MSRA: variants seen among roughly 807,000 people sequenced by gnomAD.
The protein encoded by MSRA is mitochondrial peptide methionine sulfoxide reductase.
A neutral mutation model predicts 31.3 loss-of-function variants in MSRA; 54 were observed. The ratio of observed to expected loss-of-function variants is 1.73; its 90% CI spans 1.39 to 2.17. MSRA has a LOEUF of 2.17. MSRA is among the 30% of genes most tolerant of loss of function. The pLI is 0.00. For synonymous variants in MSRA, 169 were observed against 116.5 expected (o/e 1.45, Z -2.90); for missense variants, 507 against 300.9 (o/e 1.69, Z -5.07).
At chr8:10,101,707 G>A (rs1387344374) in intron 1 of MSRA, among the ~76,000 whole-genome samples, 1 of 152,180 alleles carries the variant, frequency 6.6e-6, no homozygotes, top group African/African-American at 2.4e-5. Flanking sequence ...GTTTTAGCAT[G>A]TGTCAGAATT....
rs375402026 is a variant in MSRA, at chr8:10,269,069, C to T, written c.331+23846C>T. On this transcript the variant is annotated intron_variant, in intron 3 of 5. Coordinates refer to ENST00000317173, the MANE Select transcript of MSRA (RefSeq NM_012331.5). The stretch of plus-strand genomic sequence containing the variant: ...TTTGTCTCCAGGTTTGAATGCTTCT[C>T]CAACGCCTTTATTGGCAGTTGAAAA... Among the ~76,000 whole-genome samples the T allele has an allele frequency of 2.6e-4, 39 of 152,300 alleles. No individual in the cohort carries two copies. The East Asian group carries it at 6.6e-3, about 26-fold the overall frequency.
At position 10,239,775 on chromosome 8, in the gene MSRA, A is replaced by G. The variant is rs377443281; in HGVS notation, c.212-5329A>G. Among the ~76,000 whole-genome samples the G allele has an allele frequency of 7.2e-5, 11 of 152,220 alleles. No homozygotes were observed. The East Asian group carries it at 1.5e-3, about 21-fold the overall frequency. ...CAAAGTCTCCCAATGGGTCCCTGAG[A>G]TAGTAAATGAAGTCAATCCTGTTTC... is the stretch of plus-strand genomic sequence containing the variant. On this transcript the variant is annotated intron_variant, in intron 2 of 5. Coordinates refer to ENST00000317173, the MANE Select transcript of MSRA (RefSeq NM_012331.5).
intron 5 of MSRA, among the ~76,000 whole-genome samples, chr8:10,330,807 A>G (rs1440869107): frequency 1.3e-5 from 2 of 152,204 alleles, no homozygotes; most frequent in African/African-American, 4.8e-5. Context: ...ACCTGAACTG[A>G]AGTGATACAG....
chr8:10,352,713 G>A (rs1202868351), intron 5 of MSRA, among the ~76,000 whole-genome samples: 4 of 152,136 alleles, frequency 2.6e-5, no homozygotes, highest in Non-Finnish European at 5.9e-5. Flanking sequence ...AAAGTGATGA[G>A]TTTGTGTTCA....
intron 1 of MSRA, among the ~76,000 whole-genome samples, chr8:10,159,443 G>C (rs911081487): frequency 1.8e-4 from 28 of 152,358 alleles, no homozygotes; most frequent in South Asian, 1.2e-3. Context: ...GCTGAGGTTG[G>C]AGAGTGAGAG....
chr8:10,241,118 C>G (rs1442642036), intron 2 of MSRA, among the ~76,000 whole-genome samples: 4 of 152,146 alleles, frequency 2.6e-5, no homozygotes, highest in Non-Finnish European at 4.4e-5. Context: ...AAATTTCAGC[C>G]ACATCATCCC....
chr8:10,131,348 C>T (rs1801880206), intron 1 of MSRA, among the ~76,000 whole-genome samples: 1 of 152,120 alleles, frequency 6.6e-6, no homozygotes. Context: ...GCTACATAGA[C>T]AAAAGAGTGG....
chr8:10,179,680 G>T (rs1183806465), intron 1 of MSRA, among the ~76,000 whole-genome samples: 8 of 152,212 alleles, frequency 5.3e-5, no homozygotes, highest in Admixed American at 5.2e-4. Context: ...GAGTTAAACA[G>T]ACCTGGGTTT....
intron 1 of MSRA, among the ~76,000 whole-genome samples, chr8:10,165,776 C>A (rs1805072560): frequency 6.6e-6 from 1 of 152,116 alleles, no homozygotes; most frequent in Non-Finnish European, 1.5e-5. Flanking sequence ...CAGAGTCCTC[C>A]TCAGGATTGC....
At chr8:10,320,103 T>C (rs1801964034) in intron 5 of MSRA, 114 bp downstream of exon 5, 1 of 641,074 alleles carries the variant, frequency 1.6e-6, no homozygotes, top group African/African-American at 1.9e-5. Context: ...TATTTGCACA[T>C]CTCTTAGAAA....
At chr8:10,259,930 G>T (rs1042089652) in intron 3 of MSRA, among the ~76,000 whole-genome samples, 1 of 152,240 alleles carries the variant, frequency 6.6e-6, no homozygotes. Flanking sequence ...TGGGTGTTCT[G>T]CTGTTCACAG....
At chr8:10,167,474 T>G (rs1476261795) in intron 1 of MSRA, among the ~76,000 whole-genome samples, 1 of 152,238 alleles carries the variant, frequency 6.6e-6, no homozygotes. Flanking sequence ...GGGTTGTTTA[T>G]CAGCAGTGCC....
intron 3 of MSRA, chr8:10,250,355 C>A: frequency 1.4e-6 from 1 of 695,572 alleles, no homozygotes; most frequent in Non-Finnish European, 2.6e-6. Context: ...ATACAAATAC[C>A]CCATTTCTGG....
intron 5 of MSRA, among the ~76,000 whole-genome samples, chr8:10,382,095 A>G (rs751867758): frequency 6.6e-6 from 1 of 152,234 alleles, no homozygotes; most frequent in Non-Finnish European, 1.5e-5. Flanking sequence ...GTGGCTTTCT[A>G]GAAGCTCTAC....
At chr8:10,101,389 A>T (rs150562681) in intron 1 of MSRA, among the ~76,000 whole-genome samples, 2,410 of 152,292 alleles carry the variant, frequency 0.016, 26 homozygotes, top group Non-Finnish European at 0.022. Flanking sequence ...AAATATGCAT[A>T]ACATATTTTA....
At chr8:10,398,777 GTTTTTCATTTCTT>G (rs1302792918) in intron 5 of MSRA, among the ~76,000 whole-genome samples, 1 of 152,218 alleles carries the variant, frequency 6.6e-6, no homozygotes, top group East Asian at 1.9e-4. Context: ...ACAGTACGAG[GTTTTTCATTTCTT>G]TTTTAACCTT....
At position 10,229,170 on chromosome 8, in the gene MSRA, C is replaced by T. The variant is rs139152842; in HGVS notation, c.212-15934C>T. On this transcript the variant is annotated intron_variant, in intron 2 of 5. Coordinates refer to ENST00000317173, the MANE Select transcript of MSRA (RefSeq NM_012331.5). ...TGTGTGACTCAGAGACACACACTCA[C>T]CTGCCCTTGGTTGAGACTAGGTGTC... 7.9e-5 allele frequency among the ~76,000 whole-genome samples: 12 copies of T among 152,328 alleles called. 1 individual carries two copies. In the East Asian group the frequency reaches 2.3e-3, roughly 29 times the overall value.
chr8:10,291,555 C>T (rs901779924), intron 3 of MSRA, among the ~76,000 whole-genome samples: 8 of 151,758 alleles, frequency 5.3e-5, no homozygotes, highest in African/African-American at 1.9e-4. Flanking sequence ...ATTTTCTATC[C>T]GCAGGAGCTG....
intron 1 of MSRA, among the ~76,000 whole-genome samples, chr8:10,080,594 C>T (rs1798242666): frequency 6.6e-6 from 1 of 152,070 alleles, no homozygotes; most frequent in Non-Finnish European, 1.5e-5. Context: ...AGCACAGTCC[C>T]AGCTTACTGC....
Sources: gnomAD v4.1 joint callset for allele counts (sites outside exome capture counted in the v4.1 genomes callset) on GRCh38, gnomAD v4.1.1 for gene constraint, MANE v1.5 for transcripts, NCBI Gene and HGNC (gene_info 2026-07-23, HGNC 2026-07-21) for gene names.